The following PHACTR4 variants were observed in gnomAD, a reference collection of about 807,000 sequenced individuals.
PHACTR4 encodes the protein protein phosphatase 1, regulatory subunit 124.
A neutral mutation model predicts 72.7 loss-of-function variants in PHACTR4; 51 were observed. The observed-to-expected ratio is 0.70, with a 90% CI of 0.56 to 0.89. The LOEUF (loss-of-function observed/expected upper bound fraction) is 0.89, where lower values mean the gene tolerates loss of function less well. Among genes scored for constraint, PHACTR4 ranks in the 40% least tolerant of loss-of-function variants. The probability of loss-of-function intolerance (pLI) is 0.00; values close to 1 mark genes in which losing one functional copy is unlikely to be tolerated. For synonymous variants in PHACTR4, 255 were observed against 302.5 expected, an observed-to-expected ratio of 0.84 and a Z score of 1.63; for missense variants, 731 against 861.8, an observed-to-expected ratio of 0.85 and a Z score of 1.90.
chr1:28,453,535 G>T, intron 2 of PHACTR4: 1 of 620,624 alleles, frequency 1.6e-6, no homozygotes, highest in South Asian at 1.9e-5. Flanking sequence ...GGCTGGGCTG[G>T]GGAAATGGCG....
At chr1:28,418,230 A>G (rs1284388854) in intron 2 of PHACTR4, among the ~76,000 whole-genome samples, 2 of 152,094 alleles carry the variant, frequency 1.3e-5, no homozygotes, top group Non-Finnish European at 2.9e-5. Flanking sequence ...TGGGAAGCCA[A>G]GGCAGGCAGA....
chr1:28,370,577 G>A (rs1651160033), intron 1 of PHACTR4, among the ~76,000 whole-genome samples: 1 of 147,006 alleles, frequency 6.8e-6, no homozygotes. Flanking sequence ...AAATCTCGGA[G>A]GAGAGTGACT....
intron 1 of PHACTR4, among the ~76,000 whole-genome samples, chr1:28,387,732 A>AATT (rs1652672080): frequency 2.7e-5 from 4 of 147,296 alleles, no homozygotes; most frequent in African/African-American, 5.0e-5. Flanking sequence ...ACAAAAAACA[A>AATT]TTTTTTTTTT....
chr1:28,393,307 G>A (rs1653204738), intron 1 of PHACTR4, among the ~76,000 whole-genome samples: 1 of 152,168 alleles, frequency 6.6e-6, no homozygotes, highest in Admixed American at 6.6e-5. Flanking sequence ...CTTGGGAGAA[G>A]GGTTCATCCT....
chr1:28,456,140 G>A (rs1387655019), intron 2 of PHACTR4, among the ~76,000 whole-genome samples: 1 of 152,020 alleles, frequency 6.6e-6, no homozygotes, highest in East Asian at 1.9e-4. Context: ...TTTGACTCGT[G>A]GTTCTGTAGG....
intron 1 of PHACTR4, among the ~76,000 whole-genome samples, chr1:28,370,737 C>T (rs1651179129): frequency 6.6e-6 from 1 of 151,882 alleles, no homozygotes; most frequent in South Asian, 2.1e-4. Context: ...GAAGAATTTG[C>T]TTTATAGAGG....
In PHACTR4 at chr1:28,392,614, A is replaced by T. The variant is rs146092629; in HGVS notation, c.-38-14796A>T. Among the ~76,000 whole-genome samples, 1,227 of 151,858 alleles carry T rather than the reference A, an allele frequency of 8.1e-3. 6 individuals carry two copies. Among genetic ancestry groups the T allele is most frequent in the Non-Finnish European group, 0.014 (918 of 67,920 alleles). ...GATGAGGTTTTGCCATGTTACCTCG[A>T]ACTCCTGGGCTCAAGTGATCCACCC... On this transcript the variant is annotated intron_variant, in intron 1 of 13. Coordinates refer to ENST00000373839, the MANE Select transcript of PHACTR4 (RefSeq NM_001048183.3).
intron 9 of PHACTR4, among the ~76,000 whole-genome samples, chr1:28,487,949 C>T (rs2124547011): frequency 6.6e-6 from 1 of 151,488 alleles, no homozygotes; most frequent in East Asian, 2.0e-4. Flanking sequence ...GTTGGCCAGG[C>T]TGGTTTTGAG....
At chr1:28,482,755 C>T (rs1190508740) in intron 9 of PHACTR4, among the ~76,000 whole-genome samples, 1 of 151,832 alleles carries the variant, frequency 6.6e-6, no homozygotes, top group Non-Finnish European at 1.5e-5. Flanking sequence ...ACCCGGGCAA[C>T]AAAGTGAGAT....
chr1:28,459,452 A>T (rs1023440386), intron 3 of PHACTR4, among the ~76,000 whole-genome samples, 194 bp downstream of exon 3: 2 of 136,100 alleles, frequency 1.5e-5, no homozygotes, highest in Non-Finnish European at 3.0e-5. Context: ...CCCAGGCTAG[A>T]GTACAGTGGC....
intron 2 of PHACTR4, among the ~76,000 whole-genome samples, chr1:28,453,230 C>T (rs550567117): frequency 6.6e-6 from 1 of 152,250 alleles, no homozygotes; most frequent in African/African-American, 2.4e-5. Flanking sequence ...CAAGTATTGC[C>T]AGTATCCACT....
At chr1:28,491,501 C>T (rs1348398342) in intron 11 of PHACTR4, 149 bp from the exon 12 acceptor site, 3 of 1,036,368 alleles carry the variant, frequency 2.9e-6, no homozygotes, top group Non-Finnish European at 4.3e-6. Context: ...ACCATAATCA[C>T]TGGGGGTGGG....
intron 1 of PHACTR4, among the ~76,000 whole-genome samples, chr1:28,394,365 GAAAAAAAGA>G (rs1056654481): frequency 2.0e-5 from 3 of 150,424 alleles, no homozygotes; most frequent in Non-Finnish European, 3.0e-5. Flanking sequence ...AAGGAAGAAA[GAAAAAAAGA>G]AAAAAAAGAA....
intron 9 of PHACTR4, among the ~76,000 whole-genome samples, chr1:28,484,546 A>G (rs892188609): frequency 6.6e-6 from 1 of 151,188 alleles, no homozygotes; most frequent in African/African-American, 2.4e-5. Context: ...GTGTATATAT[A>G]TGTGTGTATG....
intron 1 of PHACTR4, among the ~76,000 whole-genome samples, chr1:28,406,434 A>G (rs1222117285): frequency 2.6e-5 from 4 of 152,346 alleles, no homozygotes; most frequent in Non-Finnish European, 5.9e-5. Flanking sequence ...GAGGGGGAAA[A>G]AAAAAGCCAA....
intron 7 of PHACTR4, 42 bp from the exon 8 acceptor site, chr1:28,476,065 C>T: frequency 6.5e-7 from 1 of 1,547,082 alleles, no homozygotes; most frequent in Non-Finnish European, 8.7e-7. Flanking sequence ...CAGTTATCCT[C>T]TTCATTTCTA....
In PHACTR4 at chr1:28,459,391, T is replaced by C. The variant is rs551723818; in HGVS notation, c.190+133T>C. 1,598 of 674,612 alleles carry C rather than the reference T, an allele frequency of 2.4e-3. 23 individuals carry two copies. In the African/African-American group the frequency reaches 0.029, roughly 12 times the overall value. The allele number at this position is 674,612 out of a possible 1,614,324, so 41.8% of individuals were successfully genotyped here. A position where few individuals can be genotyped will look rare whatever the true frequency, so the allele number is the denominator to read the frequency against. Reference sequence around the variant, plus strand: ...GGTATTTAATGTTTTATTCTTTCCTTCTTCTTTTTTTTTTTTTTTTTTTTT... The same window carrying C: ...GGTATTTAATGTTTTATTCTTTCCTCCTTCTTTTTTTTTTTTTTTTTTTTT... On this transcript the variant is annotated intron_variant, in intron 3 of 13. Transcript: ENST00000373839.
chr1:28,417,978 CT>C, intron 2 of PHACTR4, among the ~76,000 whole-genome samples: 1 of 146,990 alleles, frequency 6.8e-6, no homozygotes, highest in East Asian at 2.1e-4. Flanking sequence ...ACACAAGAAT[CT>C]TTTAAAAAGT....
intron 2 of PHACTR4, chr1:28,438,128 T>C: frequency 1.7e-6 from 2 of 1,149,544 alleles, no homozygotes; most frequent in South Asian, 2.6e-5. Context: ...CTCTACACAG[T>C]GTGCATTCTG....
Sources: gnomAD v4.1 joint callset for allele counts (sites outside exome capture counted in the v4.1 genomes callset) on GRCh38, gnomAD v4.1.1 for gene constraint, MANE v1.5 for transcripts, NCBI Gene and HGNC (gene_info 2026-07-23, HGNC 2026-07-21) for gene names.